The following MTUS2 variants were observed in gnomAD, a reference collection of about 807,000 sequenced individuals.
The protein encoded by MTUS2 is microtubule-associated tumor suppressor candidate 2.
Under a neutral mutation model 114.1 loss-of-function variants are expected in MTUS2, and 40 were observed. That is an observed-to-expected ratio of 0.35 (90% CI 0.27 to 0.46). MTUS2 has a LOEUF of 0.46. MTUS2 is among the 20% of genes least tolerant of loss of function. The pLI, the probability that MTUS2 is intolerant of heterozygous loss-of-function variation, is 1.00. For missense variants in MTUS2, 1,679 were observed against 1,705.4 expected (o/e 0.98, Z 0.27); for synonymous variants, 688 against 672.0 (o/e 1.02, Z -0.37).
intron 4 of MTUS2, among the ~76,000 whole-genome samples, chr13:29,048,990 CT>C (rs1887763787): frequency 6.6e-6 from 1 of 152,192 alleles, no homozygotes; most frequent in Non-Finnish European, 1.5e-5. Context: ...CTGGGTTTTG[CT>C]TTTCAGCCTT....
intron 3 of MTUS2, among the ~76,000 whole-genome samples, chr13:29,031,275 G>GTGTGTGTGTGTGTGTGTGGT (rs1886809538): frequency 7.2e-6 from 1 of 138,640 alleles, no homozygotes; most frequent in Non-Finnish European, 1.6e-5. Flanking sequence ...TGTGTGGTGT[G>GTGTGTGTGTGTGTGTGTGGT]TGTTCACAGG....
intron 5 of MTUS2, among the ~76,000 whole-genome samples, chr13:29,111,115 TTAAG>T (rs1447644935): frequency 1.3e-5 from 2 of 152,288 alleles, no homozygotes; most frequent in African/African-American, 4.8e-5. Flanking sequence ...ACTTATGGTC[TTAAG>T]TAAGGAATAG....
chr13:28,937,806 T>C (rs951132378), intron 2 of MTUS2, among the ~76,000 whole-genome samples: 1 of 152,170 alleles, frequency 6.6e-6, no homozygotes, highest in Non-Finnish European at 1.5e-5. Context: ...GACTGGCTCC[T>C]GTGGCTGGTG....
chr13:29,477,651 T>C (rs898929785), intron 9 of MTUS2, among the ~76,000 whole-genome samples: 1 of 152,176 alleles, frequency 6.6e-6, no homozygotes, highest in African/African-American at 2.4e-5. Flanking sequence ...TTCATACTAA[T>C]AATTATTAGC....
chr13:29,142,220 G>T (rs555873335), intron 5 of MTUS2, among the ~76,000 whole-genome samples: 57 of 152,014 alleles, frequency 3.7e-4, no homozygotes, highest in African/African-American at 1.3e-3. Flanking sequence ...GATAAATTGG[G>T]GGTTGTTACA....
At chr13:29,226,678 T>C (rs1168097473) in intron 5 of MTUS2, among the ~76,000 whole-genome samples, 1 of 56,144 alleles carries the variant, frequency 1.8e-5, no homozygotes, top group African/African-American at 8.8e-5. Context: ...AAACTTGAAT[T>C]ACCTTTATTT....
intron 8 of MTUS2, among the ~76,000 whole-genome samples, chr13:29,371,487 G>A (rs1200041708): frequency 1.3e-5 from 2 of 152,086 alleles, no homozygotes; most frequent in Non-Finnish European, 2.9e-5. Context: ...CAAAGTGCTG[G>A]GATTACAGGC....
At chr13:28,894,273 A>G in intron 2 of MTUS2, among the ~76,000 whole-genome samples, 1 of 63,772 alleles carries the variant, frequency 1.6e-5, no homozygotes. Flanking sequence ...GAAGAAGGAG[A>G]GTTGGTGGGG....
intron 9 of MTUS2, among the ~76,000 whole-genome samples, chr13:29,472,356 G>A (rs975076863): frequency 6.6e-6 from 1 of 152,078 alleles, no homozygotes; most frequent in South Asian, 2.1e-4. Flanking sequence ...ATTTTCAGCC[G>A]TTCCTTTCTC....
intron 6 of MTUS2, among the ~76,000 whole-genome samples, chr13:29,323,971 G>A (rs1354290830): frequency 6.6e-6 from 1 of 152,120 alleles, no homozygotes; most frequent in African/African-American, 2.4e-5. Context: ...CACTGTGCCC[G>A]GCACACAAAG....
At chr13:29,466,528 C>T (rs1336994445) in intron 9 of MTUS2, among the ~76,000 whole-genome samples, 1 of 152,128 alleles carries the variant, frequency 6.6e-6, no homozygotes, top group African/African-American at 2.4e-5. Context: ...AGATTTAAAA[C>T]ATAAATCCAT....
chr13:28,994,686 G>A (rs1488628442), intron 2 of MTUS2, among the ~76,000 whole-genome samples: 1 of 152,136 alleles, frequency 6.6e-6, no homozygotes. Context: ...TTTTTTGGCT[G>A]CAAAAATGTC....
At position 29,383,244 on chromosome 13, in the gene MTUS2, G is replaced by GTATATATATATATATATATTTATT. The variant is rs1295576309; in HGVS notation, c.3117+23772_3117+23773insATATATATATATATATATTTATTT. On this transcript the variant is annotated intron_variant, in intron 8 of 15. Transcript: ENST00000612955. The stretch of plus-strand genomic sequence containing the variant: ...TGTGTGTGTGTGTGTGTGTGTGTGT[G>GTATATATATATATATATATTTATT]TGTGTGTGTATTTATTTTTCTCATG... Among the ~76,000 whole-genome samples the GTATATATATATATATATATTTATT allele has an allele frequency of 8.2e-4, 44 of 53,538 alleles. 1 individual carries two copies. The highest frequency in any genetic ancestry group is 1.9e-3 in the East Asian group (2 of 1,050). The allele number at this position is 53,538 out of a possible 152,430, so 35.1% of individuals were successfully genotyped here. A position where few individuals can be genotyped will look rare whatever the true frequency, so the allele number is the denominator to read the frequency against.
chr13:29,410,756 G>A (rs1875167083), intron 8 of MTUS2, among the ~76,000 whole-genome samples: 1 of 152,030 alleles, frequency 6.6e-6, no homozygotes, highest in African/African-American at 2.4e-5. Context: ...ACATTTATTA[G>A]TTTTTTATTG....
intron 2 of MTUS2, among the ~76,000 whole-genome samples, chr13:29,024,163 G>T (rs375274742): frequency 2.0e-5 from 3 of 152,132 alleles, no homozygotes; most frequent in African/African-American, 7.2e-5. Context: ...GTAAAGAAGA[G>T]CCCTTACTTC....
chr13:29,004,573 A>C (rs1295162275), intron 2 of MTUS2, among the ~76,000 whole-genome samples: 2 of 152,236 alleles, frequency 1.3e-5, no homozygotes, highest in Non-Finnish European at 2.9e-5. Flanking sequence ...TGTGTAATGA[A>C]AAGCAACACT....
At chr13:29,070,034 A>G (rs1888843257) in intron 4 of MTUS2, among the ~76,000 whole-genome samples, 1 of 152,240 alleles carries the variant, frequency 6.6e-6, no homozygotes, top group South Asian at 2.1e-4. Context: ...TTCAAAGCAT[A>G]GGCTGAGAAG....
chr13:29,280,686 A>AT (rs1183322755), intron 5 of MTUS2, among the ~76,000 whole-genome samples: 2 of 152,146 alleles, frequency 1.3e-5, no homozygotes, highest in Non-Finnish European at 2.9e-5. Flanking sequence ...GTCATGGCTT[A>AT]TTTTTCATGG....
intron 8 of MTUS2, among the ~76,000 whole-genome samples, chr13:29,360,420 TA>T (rs1870125427): frequency 6.6e-6 from 1 of 152,214 alleles, no homozygotes; most frequent in Admixed American, 6.5e-5. Context: ...TACTCCAGTA[TA>T]GAAGCCTGAG....
Sources: allele counts gnomAD v4.1 joint callset (sites outside exome capture counted in the v4.1 genomes callset), GRCh38; gene constraint gnomAD v4.1.1; transcripts MANE v1.5; gene names NCBI Gene and HGNC (gene_info 2026-07-23, HGNC 2026-07-21).